ZFP90: variants seen among roughly 807,000 people sequenced by gnomAD.
The protein encoded by ZFP90 is zinc finger protein 90 homolog.
In ZFP90, 38 loss-of-function variants were observed where a neutral mutation model predicts 60.8. That is an observed-to-expected ratio of 0.62 (90% CI 0.48 to 0.82). The LOEUF (loss-of-function observed/expected upper bound fraction) is 0.82, where lower values mean the gene tolerates loss of function less well. Ranked by LOEUF, ZFP90 falls within the 40% of genes least tolerant of loss-of-function variation. The pLI is 0.00. For synonymous variants in ZFP90, 287 were observed against 264.8 expected (o/e 1.08, Z -0.82); for missense variants, 711 against 759.1 (o/e 0.94, Z 0.74).
At chr16:68,547,768 T>C (rs760961090) in intron 2 of ZFP90, among the ~76,000 whole-genome samples, 17 of 152,146 alleles carry the variant, frequency 1.1e-4, no homozygotes, top group Non-Finnish European at 1.9e-4. Flanking sequence ...TTTACTATTA[T>C]ACATAATGCT....
chr16:68,560,340 G>T (rs1047975990), intron 4 of ZFP90, among the ~76,000 whole-genome samples: 5 of 151,988 alleles, frequency 3.3e-5, no homozygotes, highest in Admixed American at 6.6e-5. Context: ...TATTTCTATG[G>T]ATTTGTATAT....
intron 2 of ZFP90, among the ~76,000 whole-genome samples, chr16:68,556,032 T>C (rs2091338574): frequency 6.6e-6 from 1 of 152,158 alleles, no homozygotes; most frequent in Non-Finnish European, 1.5e-5. Context: ...TAGCTAGATA[T>C]GGTGGCATAT....
Position 68,539,747 on chromosome 16 carries a change from T to G in ZFP90, c.-35-11T>G. 1 of 1,546,742 alleles carries G rather than the reference T, an allele frequency of 6.5e-7. No individual in the cohort carries two copies. The highest frequency in any genetic ancestry group is 8.7e-7 in the Non-Finnish European group (1 of 1,145,608). ...GCAGCGGGGTGAGTGGGCCCTGTCC[T>G]TTCTCCCCAGCTCCTGCCCCGGAGC... On this transcript the variant is annotated splice_polypyrimidine_tract_variant and intron_variant, in intron 1 of 4. Coordinates refer to ENST00000563169, the MANE Select transcript of ZFP90 (RefSeq NM_001305203.2).
chr16:68,572,175 A>G (rs973211909), intron 2 of ZFP90, among the ~76,000 whole-genome samples: 5 of 86,802 alleles, frequency 5.8e-5, no homozygotes. Flanking sequence ...CCAGCTGACA[A>G]ACACTTTTTT....
chr16:68,552,173 C>G (rs2091274120), intron 2 of ZFP90, among the ~76,000 whole-genome samples: 1 of 152,212 alleles, frequency 6.6e-6, no homozygotes, highest in Non-Finnish European at 1.5e-5. Context: ...AAGGTGTGAC[C>G]TGTAGCATGA....
At chr16:68,557,276 A>C (rs1447635921) in intron 2 of ZFP90, 2 of 455,890 alleles carry the variant, frequency 4.4e-6, no homozygotes, top group Non-Finnish European at 8.8e-6. Flanking sequence ...GACCTCTCAA[A>C]GTGTTAGGAT....
rs1019896898 is a variant in ZFP90, at chr16:68,539,468, C to A, written c.-47C>A. The A allele has an allele frequency of 9.9e-6, 4 of 402,818 alleles. No homozygotes were observed. The highest frequency in any genetic ancestry group is 6.2e-5 in the African/African-American group (3 of 48,142). The allele number at this position is 402,818 out of a possible 1,614,324, so 25.0% of individuals were successfully genotyped here. On this transcript the variant is annotated 5_prime_UTR_variant, in exon 1 of 5. Transcript: ENST00000563169. ...CGCGAAATCCGGAGCCCCCCAGAGG[C>A]GGTGATTCTGAGTGCGCGGGTCTGG... is the stretch of plus-strand genomic sequence containing the variant.
Position 68,566,519 on chromosome 16 carries a change from C to T in ZFP90, c.*1821C>T. The T allele has an allele frequency of 1.0e-6, 1 of 985,534 alleles. No individual in the cohort carries two copies. The highest frequency in any genetic ancestry group is 1.2e-6 in the Non-Finnish European group (1 of 829,944). 61.0% of individuals were successfully genotyped at this position (985,534 alleles called of 1,614,324 possible). A position where few individuals can be genotyped will look rare whatever the true frequency, so the allele number is the denominator to read the frequency against. On this transcript the variant is annotated 3_prime_UTR_variant, in exon 5 of 5. Coordinates refer to ENST00000563169, the MANE Select transcript of ZFP90 (RefSeq NM_001305203.2). ...CATTCTTTGCAGGGAAAAAATTGTG[C>T]ATGGGGGCTGAAATGTAATATGTGT... is the stretch of plus-strand genomic sequence containing the variant.
chr16:68,575,417 T>C (rs544338917), intron 2 of ZFP90, among the ~76,000 whole-genome samples: 1 of 150,516 alleles, frequency 6.6e-6, no homozygotes, highest in East Asian at 2.0e-4. Context: ...CAGCTCTCAG[T>C]GGAGAGGGGA....
chr16:68,556,161 T>G (rs1004409890), intron 2 of ZFP90, among the ~76,000 whole-genome samples: 1 of 151,724 alleles, frequency 6.6e-6, no homozygotes. Context: ...GAGAGTGAGA[T>G]CCTGTCTCCA....
chr16:68,565,069 A>G lies in ZFP90; in HGVS notation c.*371A>G. On this transcript the variant is annotated 3_prime_UTR_variant, in exon 5 of 5. Coordinates refer to ENST00000563169, the MANE Select transcript of ZFP90 (RefSeq NM_001305203.2). The stretch of plus-strand genomic sequence containing the variant: ...TGCAGTAATGACCAAAACCCATTTT[A>G]AAAATTGCTTGACAACTGCACTCAA... 1 of 1,000,892 alleles carries G rather than the reference A, an allele frequency of 1.0e-6. No homozygotes were observed. The highest frequency in any genetic ancestry group is 4.5e-5 in the South Asian group (1 of 22,232). The allele number at this position is 1,000,892 out of a possible 1,614,324, so 62.0% of individuals were successfully genotyped here. A position where few individuals can be genotyped will look rare whatever the true frequency, so the allele number is the denominator to read the frequency against.
intron 2 of ZFP90, 70 bp downstream of exon 2, chr16:68,539,895 G>A: frequency 7.1e-6 from 11 of 1,556,986 alleles, no homozygotes; most frequent in Non-Finnish European, 9.6e-6. Flanking sequence ...AGGGTGTTTG[G>A]AGCAGTCATT....
At chr16:68,548,471 C>A (rs1220680050) in intron 2 of ZFP90, among the ~76,000 whole-genome samples, 1 of 88,458 alleles carries the variant, frequency 1.1e-5, no homozygotes, top group East Asian at 3.6e-4. Context: ...TCTGTTTATC[C>A]TCCTTTTTTT....
chr16:68,555,353 C>T (rs1215703906), intron 2 of ZFP90: 1 of 152,180 alleles, frequency 6.6e-6, no homozygotes, highest in African/African-American at 2.4e-5. Context: ...AAAATGGCCC[C>T]AGTTTCATCC....
At position 68,566,987 on chromosome 16, in the gene ZFP90, T is replaced by C. The variant is rs922834660; in HGVS notation, c.*2289T>C. Reference sequence around the variant, plus strand: ...ATTGACAGGGAGGGAGCCCAGGACATATGTGTGGCTCATTGACCAGAAGGC... The same window carrying C: ...ATTGACAGGGAGGGAGCCCAGGACACATGTGTGGCTCATTGACCAGAAGGC... On this transcript the variant is annotated 3_prime_UTR_variant, in exon 5 of 5. Coordinates refer to ENST00000563169, the MANE Select transcript of ZFP90 (RefSeq NM_001305203.2). 7 of 985,500 alleles carry C rather than the reference T, an allele frequency of 7.1e-6. No individual in the cohort carries two copies. The highest frequency in any genetic ancestry group is 8.4e-6 in the Non-Finnish European group (7 of 829,972). 61.0% of individuals were successfully genotyped at this position (985,500 alleles called of 1,614,324 possible). A position where few individuals can be genotyped will look rare whatever the true frequency, so the allele number is the denominator to read the frequency against.
intron 4 of ZFP90, among the ~76,000 whole-genome samples, chr16:68,560,761 CT>C (rs1212779883): frequency 6.6e-6 from 1 of 151,714 alleles, no homozygotes; most frequent in African/African-American, 2.4e-5. Flanking sequence ...TTCTACTAAA[CT>C]GCTATTGGCC....
chr16:68,562,967 T>A, intron 4 of ZFP90, 77 bp from the exon 5 acceptor site: 2 of 1,580,686 alleles, frequency 1.3e-6, no homozygotes, highest in Non-Finnish European at 1.7e-6. Flanking sequence ...AACTTATATG[T>A]CTTTCTTCAT....
intron 2 of ZFP90, among the ~76,000 whole-genome samples, chr16:68,549,895 G>C (rs2091228992): frequency 6.6e-6 from 1 of 152,066 alleles, no homozygotes; most frequent in Non-Finnish European, 1.5e-5. Context: ...GGTCAGAATA[G>C]GATGTATAAA....
In ZFP90 at chr16:68,564,518, A is replaced by AG; in HGVS notation, c.1732dup (p.Glu578GlyfsTer5). ...TTCAGCATGAGAGAACTCATACTGGAGAGAAGCCCTATGAATGTAATGAAT... is the reference window on the plus strand; with the variant it reads ...TTCAGCATGAGAGAACTCATACTGGAGGAGAAGCCCTATGAATGTAATGAAT... On this transcript the variant is annotated frameshift_variant, in exon 5 of 5. Transcript: ENST00000563169. LOFTEE classifies it high-confidence loss of function. 1 of 1,614,058 alleles carries AG rather than the reference A, an allele frequency of 6.2e-7. No homozygotes were observed. The highest frequency in any genetic ancestry group is 1.1e-5 in the South Asian group (1 of 91,070).
Sources: allele counts gnomAD v4.1 joint callset (sites outside exome capture counted in the v4.1 genomes callset), GRCh38; gene constraint gnomAD v4.1.1; transcripts MANE v1.5; gene names NCBI Gene and HGNC (gene_info 2026-07-23, HGNC 2026-07-21).